KLF8: variants seen among roughly 807,000 people sequenced by gnomAD.
The protein encoded by KLF8 is Krueppel-like factor 8.
Under a neutral mutation model 18.2 loss-of-function variants are expected in KLF8, and 10 were observed. The observed-to-expected ratio is 0.55, with a 90% CI of 0.34 to 0.93. KLF8 has a LOEUF of 0.93. Ranked by LOEUF, KLF8 falls within the 40% of genes least tolerant of loss-of-function variation. The probability of loss-of-function intolerance (pLI) is 0.02; values close to 1 mark genes in which losing one functional copy is unlikely to be tolerated. For missense variants in KLF8, 264 were observed against 277.9 expected (o/e 0.95, Z 0.36); for synonymous variants, 109 against 97.3 (o/e 1.12, Z -0.71).
At chrX:56,098,544 TA>T in the KLF8 span, among the ~76,000 whole-genome samples, 2 of 110,822 alleles carry the variant, frequency 1.8e-5, no homozygotes, top group Non-Finnish European at 1.9e-5. Flanking sequence ...CTTTTATGAT[TA>T]AAAAAAATAA....
chrX:56,281,859 G>A (rs769155269), intron 5 of KLF8, among the ~76,000 whole-genome samples: 41 of 112,822 alleles, frequency 3.6e-4, no homozygotes, highest in African/African-American at 1.3e-3. Context: ...ACAAACAGGA[G>A]CTTGTTCAAT....
At chrX:56,202,117 G>A in the KLF8 span, among the ~76,000 whole-genome samples, 1 of 111,139 alleles carries the variant, frequency 9.0e-6, no homozygotes, top group African/African-American at 3.3e-5. Context: ...GTATGAAGAA[G>A]GCTCGTACTG....
At chrX:56,032,336 GGT>G in the KLF8 span, among the ~76,000 whole-genome samples, 1 of 110,767 alleles carries the variant, frequency 9.0e-6, no homozygotes, top group East Asian at 2.8e-4. Context: ...TTTTTATTGA[GGT>G]ATAATTTATA....
the KLF8 span, among the ~76,000 whole-genome samples, chrX:56,076,558 G>A: frequency 9.0e-6 from 1 of 111,042 alleles, no homozygotes; most frequent in Non-Finnish European, 1.9e-5. Context: ...CATTTGGGTT[G>A]GTTCCAAGTC....
intron 4 of KLF8, among the ~76,000 whole-genome samples, 178 bp downstream of exon 4, chrX:56,269,667 G>C (rs2067025896): frequency 8.9e-6 from 1 of 112,292 alleles, no homozygotes; most frequent in African/African-American, 3.2e-5. Context: ...GTGCACACAT[G>C]TGCATGTACA....
At chrX:56,133,504 G>A in the KLF8 span, among the ~76,000 whole-genome samples, 2 of 111,575 alleles carry the variant, frequency 1.8e-5, no homozygotes, top group African/African-American at 6.5e-5. Context: ...CAGCATTCAA[G>A]GGACATGCCT....
the KLF8 span, among the ~76,000 whole-genome samples, chrX:56,124,489 G>A: frequency 6.2e-5 from 7 of 112,115 alleles, no homozygotes; most frequent in Admixed American, 5.7e-4. Context: ...TACATGAATC[G>A]TTTATCAATT....
chrX:56,140,797 TAAA>T, the KLF8 span, among the ~76,000 whole-genome samples: 7 of 43,895 alleles, frequency 1.6e-4, no homozygotes, highest in Non-Finnish European at 2.0e-4. Flanking sequence ...GCCCCTCCAG[TAAA>T]AAAAAAAAAA....
the KLF8 span, among the ~76,000 whole-genome samples, chrX:56,033,412 T>A: frequency 9.0e-6 from 1 of 111,731 alleles, no homozygotes; most frequent in Non-Finnish European, 1.9e-5. Flanking sequence ...CTTTATCAAT[T>A]TTTTTTGATG....
At chrX:56,159,668 T>C in the KLF8 span, among the ~76,000 whole-genome samples, 11 of 112,639 alleles carry the variant, frequency 9.8e-5, no homozygotes, top group African/African-American at 3.2e-4. Context: ...TTCTAGTTTA[T>C]TTGCATAGAG....
At chrX:55,961,840 A>C in the KLF8 span, 1 of 267,417 alleles carries the variant, frequency 3.7e-6, no homozygotes. Context: ...CCATAATCCC[A>C]TGGGAGTGGA....
chrX:56,223,925 AT>A, the KLF8 span, among the ~76,000 whole-genome samples: 2 of 110,167 alleles, frequency 1.8e-5, no homozygotes, highest in East Asian at 2.8e-4. Context: ...CCTGTTTGTT[AT>A]TTTTTTGTCT....
chrX:56,133,922 C>CAA, the KLF8 span, among the ~76,000 whole-genome samples: 304 of 99,141 alleles, frequency 3.1e-3, 1 homozygote, highest in African/African-American at 0.011. Flanking sequence ...ACAATATCTG[C>CAA]AAAAAAAAAA....
At chrX:56,225,970 C>T in the KLF8 span, among the ~76,000 whole-genome samples, 3 of 112,350 alleles carry the variant, frequency 2.7e-5, no homozygotes, top group South Asian at 3.7e-4. Context: ...GATAAGACTG[C>T]CACATAAAAA....
the KLF8 span, among the ~76,000 whole-genome samples, chrX:56,086,216 A>T: frequency 8.9e-6 from 1 of 112,014 alleles, no homozygotes; most frequent in Non-Finnish European, 1.9e-5. Flanking sequence ...TAATTCTATG[A>T]TTGGAAAACT....
the KLF8 span, among the ~76,000 whole-genome samples, chrX:56,212,290 G>T: frequency 9.0e-6 from 1 of 111,719 alleles, no homozygotes; most frequent in Admixed American, 9.5e-5. Flanking sequence ...TTTCAGGTAG[G>T]GTGATGCTTA....
the KLF8 span, among the ~76,000 whole-genome samples, chrX:55,993,430 G>A: frequency 2.7e-5 from 3 of 112,123 alleles, no homozygotes; most frequent in South Asian, 3.7e-4. Context: ...AGCCAAACTT[G>A]CATTCCAGAA....
the KLF8 span, among the ~76,000 whole-genome samples, chrX:56,158,531 G>T: frequency 8.9e-6 from 1 of 111,761 alleles, no homozygotes; most frequent in African/African-American, 3.2e-5. Flanking sequence ...AGTATGGAAT[G>T]TTCTTCCATT....
chrX:55,943,016 C>G, the KLF8 span, among the ~76,000 whole-genome samples: 2 of 111,391 alleles, frequency 1.8e-5, no homozygotes, highest in Admixed American at 1.9e-4. Context: ...GCAGTGGAGA[C>G]AGAAATGTAG....
Sources: gnomAD v4.1 joint callset for allele counts (sites outside exome capture counted in the v4.1 genomes callset) on GRCh38, gnomAD v4.1.1 for gene constraint, MANE v1.5 for transcripts, NCBI Gene and HGNC (gene_info 2026-07-23, HGNC 2026-07-21) for gene names.